ADAM33: variants seen among roughly 807,000 people sequenced by gnomAD.
ADAM33 encodes the protein ADAM metallopeptidase domain 33, also known as disintegrin and metalloproteinase domain-containing protein 33.
A neutral mutation model predicts 106.2 loss-of-function variants in ADAM33; 103 were observed. The ratio of observed to expected loss-of-function variants is 0.97; its 90% CI spans 0.83 to 1.14. ADAM33 has a LOEUF of 1.14. Ranked by LOEUF, ADAM33 falls within the 50% of genes most tolerant of loss-of-function variation. The probability of loss-of-function intolerance (pLI) is 0.00; values close to 1 mark genes in which losing one functional copy is unlikely to be tolerated. For missense variants in ADAM33, 1,120 were observed against 1,096.6 expected (o/e 1.02, Z -0.30); for synonymous variants, 483 against 453.0 (o/e 1.07, Z -0.84).
chr20:3,671,779 C>A lies in ADAM33; in HGVS notation c.1707G>T (p.Arg569Ser), dbSNP rs1358455215. The A allele has an allele frequency of 1.3e-6, 2 of 1,560,422 alleles. No homozygotes were observed. Among genetic ancestry groups the A allele is most frequent in the Non-Finnish European group, 1.7e-6 (2 of 1,151,932 alleles). Reference sequence around the variant, plus strand: ...ACTGCAGCTTCCCACACAGGGCATCCCTGGGGAGGAAGTAGAGGGGGGTCA... The same window carrying A: ...ACTGCAGCTTCCCACACAGGGCATCACTGGGGAGGAAGTAGAGGGGGGTCA... ...SEGHFLPCAG[R>S]DALCGKLQCQ... Residue 569 changes from arginine to serine, a missense_variant and splice_region_variant, in exon 16 of 22, where the codon AGG becomes AGT. Arg to Ser is a moderately radical substitution (Grantham distance 110). Coordinates refer to ENST00000356518, the MANE Select transcript of ADAM33 (RefSeq NM_025220.5).
Position 3,673,825 on chromosome 20 carries a change from G to A in ADAM33, c.825C>T (p.Ala275=). The A allele has an allele frequency of 6.4e-7, 1 of 1,555,806 alleles. No individual in the cohort carries two copies. The highest frequency in any genetic ancestry group is 8.6e-7 in the Non-Finnish European group (1 of 1,158,308). ...ERDRSRVTQD[A]NATLWAFLQW... ...GCAGGAAGGCCCAGAGCGTGGCGTT[G>A]GCGTCCTGCGTGACGCGGCTGCGGT... is the stretch of plus-strand genomic sequence containing the variant. Residue 275 remains alanine (A), a synonymous_variant, in exon 9 of 22, where the codon GCC becomes GCT. Coordinates refer to ENST00000356518, the MANE Select transcript of ADAM33 (RefSeq NM_025220.5).
chr20:3,676,993 G>C, intron 3 of ADAM33, 74 bp downstream of exon 3: 1 of 1,509,430 alleles, frequency 6.6e-7, no homozygotes. Context: ...CCAGCCACCC[G>C]CACAGATCTG....
At position 3,673,347 on chromosome 20, in the gene ADAM33, C is replaced by A. The variant is rs1464049672; in HGVS notation, c.1133+7G>T. ...CCCGCCGCAGCCCCGACCCCCCACC[C>A]GCGTACCCGGTGGCCGCAGCCATGA... is the stretch of plus-strand genomic sequence containing the variant. On this transcript the variant is annotated splice_region_variant and intron_variant, in intron 11 of 21. Coordinates refer to ENST00000356518, the MANE Select transcript of ADAM33 (RefSeq NM_025220.5). 1 of 1,537,892 alleles carries A rather than the reference C, an allele frequency of 6.5e-7. No individual in the cohort carries two copies. The highest frequency in any genetic ancestry group is 1.2e-5 in the South Asian group (1 of 84,136).
chr20:3,679,333 C>T (rs1274997586), intron 2 of ADAM33, among the ~76,000 whole-genome samples, 159 bp downstream of exon 2: 5 of 151,714 alleles, frequency 3.3e-5, no homozygotes, highest in African/African-American at 9.7e-5. Flanking sequence ...CCAGTGCCTT[C>T]TTCTGCCCAC....
rs775132860 is a variant in ADAM33 at position 3,673,355 on chromosome 20, C to T, written c.1132G>A (p.Gly378Arg). The T allele has an allele frequency of 3.2e-6, 5 of 1,538,668 alleles. No homozygotes were observed. The Admixed American group carries it at 5.8e-5, about 18-fold the overall frequency. ...AGCCCCGACCCCCCACCCGCGTACC[C>T]GGTGGCCGCAGCCATGACGCAGCCT... is the stretch of plus-strand genomic sequence containing the variant. ...SGGCVMAAAT[G>R]HPFPRVFSAC... Residue 378 changes from glycine to arginine, a missense_variant and splice_region_variant, in exon 11 of 22, where the codon GGG becomes AGG. Transcript: ENST00000356518.
At chr20:3,669,123 TC>T in intron 21 of ADAM33, 123 bp from the exon 22 acceptor site, 1 of 1,300,966 alleles carries the variant, frequency 7.7e-7, no homozygotes, top group Non-Finnish European at 1.1e-6. Context: ...AGCTTCTCCC[TC>T]CCCAGCCCAG....
At chr20:3,679,697 C>T (rs772123535) in intron 1 of ADAM33, 126 bp from the exon 2 acceptor site, 4 of 751,202 alleles carry the variant, frequency 5.3e-6, no homozygotes, top group Non-Finnish European at 8.9e-6. Context: ...GCAGACTTCA[C>T]CTTCAACACG....
At chr20:3,669,726 G>T in intron 19 of ADAM33, 89 bp from the exon 20 acceptor site, 2 of 1,226,972 alleles carry the variant, frequency 1.6e-6, no homozygotes, top group South Asian at 1.3e-5. Flanking sequence ...AGCCCAGGGA[G>T]TTCTGCGTTT....
chr20:3,671,253 G>T lies in ADAM33; in HGVS notation c.2076C>A (p.Gly692=), dbSNP rs1450072563. ...CTGGCATACTTTCAGCCTGCACAGGGCCACTGTCCATGCTGCCACCAAAGC... is the reference window on the plus strand; with the variant it reads ...CTGGCATACTTTCAGCCTGCACAGGTCCACTGTCCATGCTGCCACCAAAGC... ...KPGFGGSMDS[G]PVQAENHDTF... is the part of the protein sequence containing the mutation. The change falls in exon 18 of 22, where the codon GGC becomes GGA. Residue 692 remains glycine, a synonymous_variant. Coordinates refer to ENST00000356518, the MANE Select transcript of ADAM33 (RefSeq NM_025220.5). 3 of 1,613,920 alleles carry T rather than the reference G, an allele frequency of 1.9e-6. No homozygotes were observed. In the East Asian group the frequency reaches 6.7e-5, roughly 36 times the overall value.
At position 3,672,769 on chromosome 20, in the gene ADAM33, C is replaced by A; in HGVS notation, c.1263G>T (p.Gly421=). The A allele has an allele frequency of 6.4e-7, 1 of 1,569,668 alleles. No individual in the cohort carries two copies. The change falls in exon 12 of 22, where the codon GGG becomes GGT. Residue 421 remains glycine (G), a synonymous_variant. Coordinates refer to ENST00000356518, the MANE Select transcript of ADAM33 (RefSeq NM_025220.5). The part of the protein sequence containing the change: ...PGLPVPPALC[G]NGFVEAGEEC... Reference sequence around the variant, plus strand: ...CCTCGCCCGCTTCCACGAAGCCGTTCCCGCAGAGCGCCGGCGGCACCGGGA... The same window carrying A: ...CCTCGCCCGCTTCCACGAAGCCGTTACCGCAGAGCGCCGGCGGCACCGGGA...
Position 3,676,944 on chromosome 20 carries a change from T to C in ADAM33, c.254+123A>G, listed in dbSNP as rs568003564. The C allele has an allele frequency of 3.3e-4, 344 of 1,033,896 alleles. No individual in the cohort carries two copies. In the African/African-American group the frequency reaches 5.5e-3, roughly 16 times the overall value. The allele number at this position is 1,033,896 out of a possible 1,614,324, so 64.0% of individuals were successfully genotyped here. A position where few individuals can be genotyped will look rare whatever the true frequency, so the allele number is the denominator to read the frequency against. ...AGCCAACCACAGGCCTGCGTGACTC[T>C]CCCTGTCATCTGCACCCTCTCTGGG... On this transcript the variant is annotated intron_variant, in intron 3 of 21. Coordinates refer to ENST00000356518, the MANE Select transcript of ADAM33 (RefSeq NM_025220.5).
Position 3,674,642 on chromosome 20 carries a change from T to C in ADAM33, c.462A>G (p.Pro154=). ...RNASYYLRPW[P]PRGSKDFSTH... ...TTGAGAAGTCCTTGGAGCCCCGGGGTGGCCAGGGACGCAGATAATAGCTGG... is the reference window on the plus strand; with the variant it reads ...TTGAGAAGTCCTTGGAGCCCCGGGGCGGCCAGGGACGCAGATAATAGCTGG... The change falls in exon 6 of 22, where the codon CCA becomes CCG. Residue 154 remains proline (P), a synonymous_variant. Coordinates refer to ENST00000356518, the MANE Select transcript of ADAM33 (RefSeq NM_025220.5). 1 of 1,611,828 alleles carries C rather than the reference T, an allele frequency of 6.2e-7. No homozygotes were observed. The highest frequency in any genetic ancestry group is 1.3e-5 in the African/African-American group (1 of 74,726).
Position 3,674,270 on chromosome 20 carries a change from C to A in ADAM33, c.615G>T (p.Ala205=), listed in dbSNP as rs1376763900. Residue 205 remains alanine (A), a synonymous_variant, in exon 7 of 22, where the codon GCG becomes GCT. Transcript: ENST00000356518. ...GTTCCAGGTACTTCCGGGTCCTGCG[C>A]GCTTCTCGCCTGCCCTGCGGAGGTG... is the stretch of plus-strand genomic sequence containing the variant. ...GGPQSRGRRE[A]RRTRKYLELY... 2.5e-6 allele frequency: 4 copies of A among 1,613,942 alleles called. No individual in the cohort carries two copies. The highest frequency in any genetic ancestry group is 2.2e-5 in the East Asian group (1 of 44,886).
chr20:3,669,129 G>A (rs1014142968), intron 21 of ADAM33, 129 bp from the exon 22 acceptor site: 1 of 1,269,204 alleles, frequency 7.9e-7, no homozygotes, highest in South Asian at 1.2e-5. Context: ...TCCCTCCCCA[G>A]CCCAGGGGCT....
rs571469461 is a variant in ADAM33 at position 3,673,855 on chromosome 20, C to A, written c.795G>T (p.Glu265Asp). Residue 265 changes from glutamate (E) to aspartate (D), a missense_variant, in exon 9 of 22, where the codon GAG becomes GAT. Transcript: ENST00000356518. ...VALTGLEVWTERDRSRVTQDA... is the reference protein window; with the variant it reads ...VALTGLEVWTDRDRSRVTQDA... ...CCTGCGTGACGCGGCTGCGGTCCCG[C>A]TCGGTCCACACCTCCAGGCCGGTCA... The A allele has an allele frequency of 1.9e-6, 3 of 1,570,894 alleles. No individual in the cohort carries two copies. In the South Asian group the frequency reaches 3.4e-5, roughly 18 times the overall value.
In ADAM33 at chr20:3,675,540, G is replaced by C. The variant is rs778350287; in HGVS notation, c.255-435C>G. The stretch of plus-strand genomic sequence containing the variant: ...GCCCTCCTTTGTTGGGCATCTGGTC[G>C]ACCCTCTTGCCCCCACCTGCCCTAG... On this transcript the variant is annotated intron_variant, in intron 3 of 21. Transcript: ENST00000356518. The surrounding 1 kb of genome is among the most constrained non-coding windows in gnomAD (Gnocchi z 4.1). 1.6e-4 allele frequency among the ~76,000 whole-genome samples: 24 copies of C among 152,100 alleles called. No individual in the cohort carries two copies. The East Asian group carries it at 2.7e-3, about 17-fold the overall frequency.
In ADAM33 at chr20:3,668,852, G is replaced by T; in HGVS notation, c.*111C>A. ...CGGGGAAGAAACTTCCAAGCTGCCT[G>T]CAGGTGCTGGAGGTCCGGTGATTCA... On this transcript the variant is annotated 3_prime_UTR_variant, in exon 22 of 22. Coordinates refer to ENST00000356518, the MANE Select transcript of ADAM33 (RefSeq NM_025220.5). The T allele has an allele frequency of 3.1e-6, 4 of 1,306,894 alleles. No individual in the cohort carries two copies. The highest frequency in any genetic ancestry group is 1.7e-5 in the Admixed American group (1 of 59,372). The allele number at this position is 1,306,894 out of a possible 1,614,324, so 81.0% of individuals were successfully genotyped here. A position where few individuals can be genotyped will look rare whatever the true frequency, so the allele number is the denominator to read the frequency against.
At chr20:3,679,161 T>C (rs1600249089) in intron 2 of ADAM33, among the ~76,000 whole-genome samples, 2 of 98,722 alleles carry the variant, frequency 2.0e-5, no homozygotes, top group African/African-American at 4.8e-5. Flanking sequence ...TTTTAGAGGC[T>C]CCTGAAAAGC....
Position 3,677,055 on chromosome 20 carries a change from C to A in ADAM33, c.254+12G>T. On this transcript the variant is annotated intron_variant, in intron 3 of 21. Transcript: ENST00000356518. Reference sequence around the variant, plus strand: ...TCCCCTCCTCCCAGCCCTACCCCAGCCTGGCACTCACTGGTTCTTCTCCAG... The same window carrying A: ...TCCCCTCCTCCCAGCCCTACCCCAGACTGGCACTCACTGGTTCTTCTCCAG... 1 of 1,612,358 alleles carries A rather than the reference C, an allele frequency of 6.2e-7. No individual in the cohort carries two copies. Among genetic ancestry groups the A allele is most frequent in the Non-Finnish European group, 8.5e-7 (1 of 1,179,680 alleles).
Sources: gnomAD v4.1 joint callset for allele counts (sites outside exome capture counted in the v4.1 genomes callset) on GRCh38, gnomAD v4.1.1 for gene constraint, Gnocchi (gnomAD v3.1) non-coding constraint, MANE v1.5 for transcripts, NCBI Gene and HGNC (gene_info 2026-07-23, HGNC 2026-07-21) for gene names.